The following NR2C1 variants were observed in gnomAD, a reference collection of about 807,000 sequenced individuals.
NR2C1 encodes the protein TR2 nuclear hormone receptor.
A neutral mutation model predicts 74.8 loss-of-function variants in NR2C1; 33 were observed. The ratio of observed to expected loss-of-function variants is 0.44; its 90% CI spans 0.33 to 0.59. NR2C1 has a LOEUF of 0.59. NR2C1 is among the 20% of genes least tolerant of loss of function. The pLI is 0.02. For missense variants in NR2C1, 568 were observed against 715.6 expected (o/e 0.79, Z 2.35); for synonymous variants, 225 against 240.6 (o/e 0.94, Z 0.60).
chr12:95,042,901 G>A lies in NR2C1; in HGVS notation c.1132-2304C>T, dbSNP rs116355389. ...TGCTTGAAGCCAGTAGTTCAAGACC[G>A]GCCTGGGCAACATAACGAGACCCAT... On this transcript the variant is annotated intron_variant, in intron 9 of 13. Transcript: ENST00000333003. Among the ~76,000 whole-genome samples, 911 of 146,088 alleles carry A rather than the reference G, an allele frequency of 6.2e-3. 12 individuals are homozygous for A. Among genetic ancestry groups the A allele is most frequent in the African/African-American group, 0.022 (860 of 39,012 alleles).
intron 1 of NR2C1, among the ~76,000 whole-genome samples, chr12:95,068,241 A>G (rs1461603481): frequency 6.6e-6 from 1 of 152,110 alleles, no homozygotes; most frequent in East Asian, 1.9e-4. Flanking sequence ...TGTCCTCTTC[A>G]TAGAAGGACA....
chr12:95,025,022 T>C (rs577792773), intron 13 of NR2C1, 128 bp downstream of exon 13: 67 of 517,880 alleles, frequency 1.3e-4, no homozygotes, highest in Non-Finnish European at 2.0e-4. Flanking sequence ...CTGCTTTTTA[T>C]AGCATTAGTA....
At chr12:95,032,580 CAAA>C (rs1418978368) in intron 10 of NR2C1, among the ~76,000 whole-genome samples, 1 of 152,140 alleles carries the variant, frequency 6.6e-6, no homozygotes, top group Non-Finnish European at 1.5e-5. Context: ...TGAAATTAGG[CAAA>C]CTTCCCAGGT....
At chr12:95,022,879 T>C (rs1206316193) in intron 13 of NR2C1, among the ~76,000 whole-genome samples, 3 of 151,810 alleles carry the variant, frequency 2.0e-5, no homozygotes, top group Non-Finnish European at 1.5e-5. Context: ...TGTTTTTTTT[T>C]TTTTGTAGAG....
In NR2C1 at chr12:95,067,387, T is replaced by C; in HGVS notation, c.-3A>G. 6.2e-7 allele frequency: 1 copy of C among 1,609,176 alleles called. No homozygotes were observed. The highest frequency in any genetic ancestry group is 8.5e-7 in the Non-Finnish European group (1 of 1,175,650). On this transcript the variant is annotated 5_prime_UTR_variant, in exon 2 of 14. Coordinates refer to ENST00000333003, the MANE Select transcript of NR2C1 (RefSeq NM_003297.4). ...GCAATTTCTTCTATGGTTGCCATGA[T>C]CTACCTGCCAAAAATAAAAAGATGT...
At chr12:95,052,785 G>A (rs867522088) in intron 7 of NR2C1, among the ~76,000 whole-genome samples, 6 of 152,054 alleles carry the variant, frequency 3.9e-5, no homozygotes, top group Non-Finnish European at 8.8e-5. Flanking sequence ...AGTGAAGAGC[G>A]GGGGAAAAAA....
At chr12:95,048,622 G>GCTTTTTTTTTTTTT (rs1432439180) in intron 9 of NR2C1, among the ~76,000 whole-genome samples, 1 of 130,526 alleles carries the variant, frequency 7.7e-6, no homozygotes, top group African/African-American at 2.8e-5. Context: ...ATGCAGATGA[G>GCTTTTTTTTTTTTT]TTTTTTTTTT....
chr12:95,061,216 C>T (rs1241432132), intron 3 of NR2C1, among the ~76,000 whole-genome samples: 1 of 152,130 alleles, frequency 6.6e-6, no homozygotes, highest in East Asian at 1.9e-4. Context: ...CATGTCAACT[C>T]AATGCAATAA....
At chr12:95,037,360 A>T (rs1006744417) in intron 10 of NR2C1, among the ~76,000 whole-genome samples, 2 of 152,250 alleles carry the variant, frequency 1.3e-5, no homozygotes, top group Non-Finnish European at 2.9e-5. Flanking sequence ...TAAAATACAG[A>T]AGCCTTGTAA....
chr12:95,056,453 G>A (rs1873889276), intron 7 of NR2C1, among the ~76,000 whole-genome samples: 1 of 152,072 alleles, frequency 6.6e-6, no homozygotes, highest in South Asian at 2.1e-4. Context: ...GTCTAACATA[G>A]AGCTGCTCCA....
At chr12:95,028,234 A>G (rs1165122480) in intron 12 of NR2C1, 153 bp downstream of exon 12, 3 of 599,074 alleles carry the variant, frequency 5.0e-6, no homozygotes, top group Admixed American at 6.7e-5. Context: ...GCTGAGTCAT[A>G]TGATAACTCC....
At chr12:95,069,365 G>A (rs1043658995) in intron 1 of NR2C1, among the ~76,000 whole-genome samples, 34 of 152,242 alleles carry the variant, frequency 2.2e-4, no homozygotes, top group African/African-American at 8.2e-4. Flanking sequence ...ATATACAATA[G>A]CGGTACCACA....
At chr12:95,030,016 G>C (rs1003472810) in intron 11 of NR2C1, among the ~76,000 whole-genome samples, 1 of 152,086 alleles carries the variant, frequency 6.6e-6, no homozygotes, top group Non-Finnish European at 1.5e-5. Context: ...TATGACTATA[G>C]GCATGCGCTA....
At chr12:95,066,573 A>G (rs948531094) in intron 2 of NR2C1, among the ~76,000 whole-genome samples, 2 of 152,212 alleles carry the variant, frequency 1.3e-5, no homozygotes, top group Non-Finnish European at 2.9e-5. Context: ...GCAGCTTTTC[A>G]AAGGTTAGCA....
chr12:95,049,907 C>T (rs1872753524), intron 8 of NR2C1, among the ~76,000 whole-genome samples: 1 of 152,084 alleles, frequency 6.6e-6, no homozygotes, highest in African/African-American at 2.4e-5. Context: ...GCAAGCGATC[C>T]TCCCACCTCA....
chr12:95,037,819 C>G (rs377629273), intron 10 of NR2C1, among the ~76,000 whole-genome samples: 2 of 145,708 alleles, frequency 1.4e-5, no homozygotes, highest in African/African-American at 5.2e-5. Context: ...GGCCTGAACC[C>G]GGGAGGCGGA....
intron 7 of NR2C1, 132 bp downstream of exon 7, chr12:95,057,421 T>TA: frequency 1.5e-6 from 1 of 650,138 alleles, no homozygotes; most frequent in Non-Finnish European, 2.5e-6. Flanking sequence ...TTCTAATTTA[T>TA]ATTAAAAAAA....
chr12:95,068,304 T>C (rs1372610815), intron 1 of NR2C1, among the ~76,000 whole-genome samples: 4 of 152,180 alleles, frequency 2.6e-5, no homozygotes, highest in Admixed American at 2.6e-4. Context: ...AACTCAATTA[T>C]CTCTTTTAAG....
In NR2C1 at chr12:95,067,024, A is replaced by G. The variant is rs1264588901; in HGVS notation, c.54+307T>C. The G allele has an allele frequency of 8.0e-6, 3 of 373,720 alleles. No homozygotes were observed. The East Asian group carries it at 1.8e-4, about 22-fold the overall frequency. 23.2% of individuals were successfully genotyped at this position (373,720 alleles called of 1,614,324 possible). The stretch of plus-strand genomic sequence containing the variant: ...AAACTAGGCTCAGATTGTACCCTCT[A>G]AAAAGAATTCCCTCAAAAGCATTCC... On this transcript the variant is annotated intron_variant, in intron 2 of 13. Transcript: ENST00000333003.
Sources: gnomAD v4.1 joint callset for allele counts (sites outside exome capture counted in the v4.1 genomes callset) on GRCh38, gnomAD v4.1.1 for gene constraint, MANE v1.5 for transcripts, NCBI Gene and HGNC (gene_info 2026-07-23, HGNC 2026-07-21) for gene names.